The following KALRN variants were observed in gnomAD, a reference collection of about 807,000 sequenced individuals.
KALRN encodes the protein kalirin RhoGEF kinase.
KALRN carries 70 observed loss-of-function variants against 353.7 expected under a neutral mutation model. The observed-to-expected ratio is 0.20, with a 90% CI of 0.16 to 0.24. KALRN has a LOEUF of 0.24. Ranked by LOEUF, KALRN falls within the 10% of genes least tolerant of loss-of-function variation. The pLI, the probability that KALRN is intolerant of heterozygous loss-of-function variation, is 1.00. For missense variants in KALRN, 2,791 were observed against 3,756.7 expected, an observed-to-expected ratio of 0.74 and a Z score of 6.72; for synonymous variants, 1,391 against 1,434.8, an observed-to-expected ratio of 0.97 and a Z score of 0.69.
At chr3:124,272,807 C>T (rs62262822) in intron 5 of KALRN, among the ~76,000 whole-genome samples, 49,068 of 152,074 alleles carry the variant, frequency 0.32, 8,057 homozygotes, top group Middle Eastern at 0.36. Context: ...AAAATATCTG[C>T]GCGGAGCTAA....
In KALRN at chr3:124,370,418, A is replaced by G. The variant is rs144018255; in HGVS notation, c.1771-14427A>G. Among the ~76,000 whole-genome samples the G allele has an allele frequency of 6.8e-3, 1,032 of 152,344 alleles. 8 individuals carry two copies. The highest frequency in any genetic ancestry group is 0.01 in the Non-Finnish European group (699 of 68,032). On this transcript the variant is annotated intron_variant, in intron 10 of 59. Coordinates refer to ENST00000682506, the MANE Select transcript of KALRN (RefSeq NM_001388419.1). Reference sequence around the variant, plus strand: ...GAAGCTTCTTGGGCATTTTCATGCTAAAGCTTTGGGTAATTTTTTCAAAAC... The same window carrying G: ...GAAGCTTCTTGGGCATTTTCATGCTGAAGCTTTGGGTAATTTTTTCAAAAC...
intron 56 of KALRN, among the ~76,000 whole-genome samples, chr3:124,701,213 C>T (rs1404554026): frequency 6.6e-6 from 1 of 152,142 alleles, no homozygotes; most frequent in Non-Finnish European, 1.5e-5. Flanking sequence ...TGTGTGTGCA[C>T]GCGTGCGTGA....
intron 30 of KALRN, 54 bp from the exon 31 acceptor site, chr3:124,491,269 G>T: frequency 1.7e-5 from 21 of 1,201,140 alleles, no homozygotes; most frequent in South Asian, 3.1e-5. Context: ...CCAGCCCTAA[G>T]TTTCCCCACT....
intron 1 of KALRN, among the ~76,000 whole-genome samples, chr3:124,116,038 T>C (rs182046455): frequency 4.2e-4 from 64 of 152,340 alleles, no homozygotes; most frequent in Admixed American, 2.0e-3. Flanking sequence ...ATATTTATCT[T>C]ACAGTGACAG....
At chr3:124,267,155 A>G (rs575233583) in intron 4 of KALRN, among the ~76,000 whole-genome samples, 141 of 152,360 alleles carry the variant, frequency 9.3e-4, no homozygotes, top group Non-Finnish European at 1.2e-3. Flanking sequence ...TACAGAGATG[A>G]GAGTATAAGC....
chr3:124,655,799 A>T, intron 39 of KALRN, 132 bp downstream of exon 39: 1 of 669,994 alleles, frequency 1.5e-6, no homozygotes, highest in Non-Finnish European at 2.7e-6. Context: ...ATGAAAATAA[A>T]AATGGTAATA....
At chr3:124,512,501 A>C (rs1385425861) in intron 33 of KALRN, among the ~76,000 whole-genome samples, 1 of 152,148 alleles carries the variant, frequency 6.6e-6, no homozygotes, top group East Asian at 1.9e-4. Context: ...AATACAAAAA[A>C]TTAGCCAGGC....
intron 3 of KALRN, among the ~76,000 whole-genome samples, chr3:124,263,802 G>A: frequency 6.6e-6 from 1 of 152,102 alleles, no homozygotes; most frequent in East Asian, 1.9e-4. Flanking sequence ...TGAGCACAGG[G>A]CAGAACAACA....
At chr3:124,653,879 T>A (rs1037280926) in intron 38 of KALRN, among the ~76,000 whole-genome samples, 5 of 152,258 alleles carry the variant, frequency 3.3e-5, no homozygotes, top group Non-Finnish European at 1.5e-5. Flanking sequence ...ATGCCTGCAA[T>A]TTAAATCCTT....
chr3:124,519,932 C>G, intron 33 of KALRN: 2 of 959,072 alleles, frequency 2.1e-6, no homozygotes, highest in Non-Finnish European at 2.5e-6. Flanking sequence ...CCTTCCCATC[C>G]CACTTTCCAG....
Position 124,604,036 on chromosome 3 carries a change from C to T in KALRN, c.5183-28384C>T, listed in dbSNP as rs545811559. ...ATGCTTTGGACTTGGATTCTATCAC[C>T]GAGAGATCCCTTCTCTGAAACAGTT... On this transcript the variant is annotated intron_variant, in intron 34 of 59. Transcript: ENST00000682506. 9.9e-5 allele frequency among the ~76,000 whole-genome samples: 15 copies of T among 152,140 alleles called. No individual in the cohort carries two copies. In the South Asian group the frequency reaches 1.2e-3, roughly 13 times the overall value.
chr3:124,268,676 A>C (rs2073840645), intron 4 of KALRN, 67 bp from the exon 5 acceptor site: 2 of 1,512,848 alleles, frequency 1.3e-6, no homozygotes. Flanking sequence ...CCTTTCCCTC[A>C]TCCTATTTCT....
At chr3:124,129,689 C>A (rs1462244955) in intron 1 of KALRN, among the ~76,000 whole-genome samples, 1 of 152,182 alleles carries the variant, frequency 6.6e-6, no homozygotes, top group South Asian at 2.1e-4. Context: ...ATAATCACGT[C>A]GCCTTCAATC....
chr3:124,036,251 A>G (rs970521219), intron 1 of KALRN, among the ~76,000 whole-genome samples: 4 of 151,604 alleles, frequency 2.6e-5, no homozygotes, highest in Non-Finnish European at 5.9e-5. Flanking sequence ...GGTGTTTGTT[A>G]TTCCTCTCTT....
rs764851321 is a variant in KALRN, at chr3:124,659,477, G to A, written c.6216+20G>A. The A allele has an allele frequency of 2.0e-6, 3 of 1,525,072 alleles. No homozygotes were observed. The South Asian group carries it at 3.4e-5, about 17-fold the overall frequency. The allele number at this position is 1,525,072 out of a possible 1,614,324, so 94.5% of individuals were successfully genotyped here. On this transcript the variant is annotated intron_variant, in intron 43 of 59. Transcript: ENST00000682506. The stretch of plus-strand genomic sequence containing the variant: ...CTCAAGGTAAGAAGCTGGGAGCCTG[G>A]GTGAGGGCTGGAGAAGGATCCATCA...
At chr3:124,633,636 G>T (rs77558497) in intron 35 of KALRN, among the ~76,000 whole-genome samples, 208 of 103,756 alleles carry the variant, frequency 2.0e-3, no homozygotes, top group Non-Finnish European at 3.7e-3. Flanking sequence ...TCTTTTTGGG[G>T]GTGTGTGTGT....
At chr3:124,443,678 G>A (rs753623471) in intron 19 of KALRN, among the ~76,000 whole-genome samples, 6 of 152,292 alleles carry the variant, frequency 3.9e-5, no homozygotes, top group African/African-American at 1.2e-4. Context: ...ACACCTCTGC[G>A]TGCTGAAGAA....
chr3:124,117,278 G>T (rs1487508831), intron 1 of KALRN, among the ~76,000 whole-genome samples: 3 of 152,030 alleles, frequency 2.0e-5, no homozygotes, highest in African/African-American at 7.2e-5. Context: ...CCTGAGCTAG[G>T]GGTCTATACT....
intron 1 of KALRN, among the ~76,000 whole-genome samples, chr3:124,185,717 C>G (rs2074140261): frequency 6.6e-6 from 1 of 152,174 alleles, no homozygotes; most frequent in Non-Finnish European, 1.5e-5. Flanking sequence ...CTGCCTTGCT[C>G]TGGGGAGCTG....
Sources: allele counts gnomAD v4.1 joint callset (sites outside exome capture counted in the v4.1 genomes callset), GRCh38; gene constraint gnomAD v4.1.1; transcripts MANE v1.5; gene names NCBI Gene and HGNC (gene_info 2026-07-23, HGNC 2026-07-21).